AUTS2: variants seen among roughly 807,000 people sequenced by gnomAD.
The protein encoded by AUTS2 is activator of transcription and developmental regulator AUTS2.
A neutral mutation model predicts 112.4 loss-of-function variants in AUTS2; 17 were observed. The ratio of observed to expected loss-of-function variants is 0.15; its 90% CI spans 0.10 to 0.23. The LOEUF (loss-of-function observed/expected upper bound fraction) is 0.23, where lower values mean the gene tolerates loss of function less well. Ranked by LOEUF, AUTS2 falls within the 10% of genes least tolerant of loss-of-function variation. The pLI, the probability that AUTS2 is intolerant of heterozygous loss-of-function variation, is 1.00. For synonymous variants in AUTS2, 751 were observed against 702.7 expected (o/e 1.07, Z -1.09); for missense variants, 1,510 against 1,701.6 (o/e 0.89, Z 1.98).
chr7:70,632,622 G>C (rs1340558658), intron 5 of AUTS2, among the ~76,000 whole-genome samples: 1 of 151,954 alleles, frequency 6.6e-6, no homozygotes, highest in Non-Finnish European at 1.5e-5. Flanking sequence ...TTCCCTGCCT[G>C]ACACTCCCCT....
At chr7:70,429,905 G>A (rs750814746) in intron 4 of AUTS2, among the ~76,000 whole-genome samples, 5 of 152,162 alleles carry the variant, frequency 3.3e-5, no homozygotes, top group Non-Finnish European at 5.9e-5. Flanking sequence ...GTTGGGATTT[G>A]GGAGTTGAGG....
At chr7:70,027,187 A>T (rs931063805) in intron 2 of AUTS2, among the ~76,000 whole-genome samples, 1 of 152,174 alleles carries the variant, frequency 6.6e-6, no homozygotes, top group African/African-American at 2.4e-5. Context: ...TTATTGGGAT[A>T]TAACCCCATG....
intron 1 of AUTS2, among the ~76,000 whole-genome samples, chr7:69,686,335 A>G (rs997737842): frequency 3.9e-5 from 6 of 152,212 alleles, no homozygotes; most frequent in Non-Finnish European, 8.8e-5. Flanking sequence ...GGTTCATAAT[A>G]GAAAGTAACA....
chr7:70,024,952 T>C (rs931979874), intron 2 of AUTS2, among the ~76,000 whole-genome samples: 3 of 152,230 alleles, frequency 2.0e-5, no homozygotes, highest in Admixed American at 2.0e-4. Flanking sequence ...ATTAATTAAC[T>C]GGCTGCCTGC....
At chr7:69,629,293 A>G (rs2129101391) in intron 1 of AUTS2, among the ~76,000 whole-genome samples, 1 of 152,292 alleles carries the variant, frequency 6.6e-6, no homozygotes, top group African/African-American at 2.4e-5. Context: ...TTTTCTGAGC[A>G]TGTTTTATTA....
intron 5 of AUTS2, among the ~76,000 whole-genome samples, chr7:70,571,971 A>T (rs1443518054): frequency 6.6e-6 from 1 of 152,178 alleles, no homozygotes; most frequent in East Asian, 1.9e-4. Flanking sequence ...CACAGGGGGA[A>T]CTTGTCCATT....
intron 2 of AUTS2, among the ~76,000 whole-genome samples, chr7:70,101,127 C>T (rs2129569437): frequency 6.6e-6 from 1 of 152,232 alleles, no homozygotes; most frequent in East Asian, 1.9e-4. Context: ...ATCTGCCAGC[C>T]TCGGCCTCCC....
chr7:70,776,102 A>G (rs1763268867), intron 13 of AUTS2, among the ~76,000 whole-genome samples: 1 of 152,192 alleles, frequency 6.6e-6, no homozygotes, highest in South Asian at 2.1e-4. Flanking sequence ...TGTGATTTCA[A>G]ACTACCCATA....
intron 1 of AUTS2, among the ~76,000 whole-genome samples, chr7:69,895,543 TC>T (rs3043573): frequency 0.06 from 7,963 of 131,862 alleles, 320 homozygotes; most frequent in Middle Eastern, 0.086. Flanking sequence ...TCTCTCTTCT[TC>T]CCCCCCCCCG....
intron 6 of AUTS2, among the ~76,000 whole-genome samples, chr7:70,752,778 C>G (rs528570548): frequency 6.6e-6 from 1 of 152,286 alleles, no homozygotes; most frequent in African/African-American, 2.4e-5. Flanking sequence ...CAATAGATCA[C>G]AACCTATTTC....
At chr7:70,458,529 T>C (rs1735201965) in intron 5 of AUTS2, among the ~76,000 whole-genome samples, 1 of 152,236 alleles carries the variant, frequency 6.6e-6, no homozygotes, top group Admixed American at 6.5e-5. Flanking sequence ...TTTTAGATTC[T>C]TGGATGGCTG....
At chr7:70,271,371 A>G (rs544576127) in intron 4 of AUTS2, among the ~76,000 whole-genome samples, 13 of 152,176 alleles carry the variant, frequency 8.5e-5, no homozygotes, top group African/African-American at 1.4e-4. Flanking sequence ...TAGAAAATCA[A>G]TAGAATTGCT....
chr7:69,718,322 T>A (rs1385493908), intron 1 of AUTS2, among the ~76,000 whole-genome samples: 1 of 152,196 alleles, frequency 6.6e-6, no homozygotes, highest in East Asian at 1.9e-4. Flanking sequence ...TATCTTACAT[T>A]TTTGTAGGCT....
intron 1 of AUTS2, among the ~76,000 whole-genome samples, chr7:69,799,830 C>A (rs950160593): frequency 6.6e-6 from 1 of 152,056 alleles, no homozygotes; most frequent in African/African-American, 2.4e-5. Context: ...GTTTTTATTT[C>A]TGAGCTTTTC....
chr7:70,624,771 T>G (rs930187208), intron 5 of AUTS2, among the ~76,000 whole-genome samples: 2 of 152,210 alleles, frequency 1.3e-5, no homozygotes, highest in African/African-American at 4.8e-5. Flanking sequence ...TCAGATTTAG[T>G]CAGATGACAA....
At chr7:69,613,293 A>G (rs1793144015) in intron 1 of AUTS2, among the ~76,000 whole-genome samples, 1 of 152,216 alleles carries the variant, frequency 6.6e-6, no homozygotes. Flanking sequence ...TAGGTATAAT[A>G]ATAGGATTTA....
intron 1 of AUTS2, among the ~76,000 whole-genome samples, chr7:69,855,656 G>A (rs1298496708): frequency 6.6e-6 from 1 of 152,120 alleles, no homozygotes; most frequent in Non-Finnish European, 1.5e-5. Flanking sequence ...GTTAATCCAC[G>A]TCACTTTGTA....
intron 4 of AUTS2, among the ~76,000 whole-genome samples, chr7:70,147,332 A>G (rs931659662): frequency 2.0e-5 from 3 of 152,172 alleles, no homozygotes; most frequent in Admixed American, 6.6e-5. Context: ...TTTCAAAGGT[A>G]AACCAAAAGA....
chr7:70,508,454 C>T (rs754782923), intron 5 of AUTS2, among the ~76,000 whole-genome samples: 4 of 152,150 alleles, frequency 2.6e-5, no homozygotes, highest in African/African-American at 4.8e-5. Context: ...TAGTACCAGT[C>T]GGGTTCTTAC....
Sources: gnomAD v4.1 joint callset for allele counts (sites outside exome capture counted in the v4.1 genomes callset) on GRCh38, gnomAD v4.1.1 for gene constraint, MANE v1.5 for transcripts, NCBI Gene and HGNC (gene_info 2026-07-23, HGNC 2026-07-21) for gene names.